Variants in MDFIC observed in about 807,000 individuals in gnomAD.
MDFIC encodes the protein MyoD family inhibitor domain containing, also known as myoD family inhibitor domain-containing protein.
In MDFIC, 17 loss-of-function variants were observed where a neutral mutation model predicts 23.2. The ratio of observed to expected loss-of-function variants is 0.73; its 90% CI spans 0.50 to 1.10. The LOEUF is 1.10. Ranked by LOEUF, MDFIC falls within the 50% of genes least tolerant of loss-of-function variation. MDFIC has a pLI of 0.00. For missense variants in MDFIC, 356 were observed against 316.6 expected, an observed-to-expected ratio of 1.12 and a Z score of -0.95; for synonymous variants, 120 against 115.2, an observed-to-expected ratio of 1.04 and a Z score of -0.27.
chr7:114,926,853 T>G (rs987222913), intron 2 of MDFIC, among the ~76,000 whole-genome samples: 1 of 152,212 alleles, frequency 6.6e-6, no homozygotes, highest in African/African-American at 2.4e-5. Flanking sequence ...CATATCTGTA[T>G]TCTTCTATTT....
At chr7:114,955,375 A>G (rs1792863867) in intron 3 of MDFIC, among the ~76,000 whole-genome samples, 1 of 152,090 alleles carries the variant, frequency 6.6e-6, no homozygotes, top group South Asian at 2.1e-4. Context: ...CATGTTACCC[A>G]TCTCTCCACG....
At chr7:115,015,563 C>A in intron 4 of MDFIC, 125 bp from the exon 5 acceptor site, 3 of 1,320,468 alleles carry the variant, frequency 2.3e-6, no homozygotes, top group East Asian at 2.3e-5. Flanking sequence ...GCTCACAAAG[C>A]AAACTTCATT....
At chr7:114,945,695 T>C (rs1253224989) in intron 3 of MDFIC, among the ~76,000 whole-genome samples, 16 of 152,220 alleles carry the variant, frequency 1.1e-4, no homozygotes, top group Admixed American at 1.0e-3. Flanking sequence ...CTCTTTCCTA[T>C]GAAATTTAAA....
chr7:114,979,131 A>C (rs1010937403), intron 3 of MDFIC, among the ~76,000 whole-genome samples: 3 of 152,164 alleles, frequency 2.0e-5, no homozygotes, highest in African/African-American at 7.2e-5. Flanking sequence ...GTATTGAGAT[A>C]ACACTGTTGT....
intron 2 of MDFIC, among the ~76,000 whole-genome samples, chr7:114,941,755 T>C (rs1792543989): frequency 6.6e-6 from 1 of 152,146 alleles, no homozygotes; most frequent in African/African-American, 2.4e-5. Flanking sequence ...AATACCCCCT[T>C]CTCAGAGGAT....
intron 4 of MDFIC, among the ~76,000 whole-genome samples, chr7:114,997,047 A>T (rs1791347887): frequency 6.6e-6 from 1 of 152,188 alleles, no homozygotes; most frequent in South Asian, 2.1e-4. Flanking sequence ...AGTAAGATGA[A>T]TGAGAAGTGA....
rs1422118905 is a variant in MDFIC, at chr7:114,923,024, G to T, written c.-10G>T. On this transcript the variant is annotated 5_prime_UTR_variant, in exon 2 of 5. Transcript: ENST00000393486. ...GGCAGCGGCGCGGCGCGGGCTCGGCGGAGCGGCCCATGTCCGGCGCGGGCG... is the reference window on the plus strand; with the variant it reads ...GGCAGCGGCGCGGCGCGGGCTCGGCTGAGCGGCCCATGTCCGGCGCGGGCG... 4 of 1,434,660 alleles carry T rather than the reference G, an allele frequency of 2.8e-6. No homozygotes were observed. The highest frequency in any genetic ancestry group is 3.7e-6 in the Non-Finnish European group (4 of 1,092,382). 88.9% of individuals were successfully genotyped at this position (1,434,660 alleles called of 1,614,324 possible). A position where few individuals can be genotyped will look rare whatever the true frequency, so the allele number is the denominator to read the frequency against.
At chr7:114,964,565 C>G (rs1793060268) in intron 3 of MDFIC, among the ~76,000 whole-genome samples, 1 of 151,150 alleles carries the variant, frequency 6.6e-6, no homozygotes, top group Admixed American at 6.6e-5. Context: ...GCTTCCCTCC[C>G]CTTCCGACAG....
rs187696099 is a variant in MDFIC at position 114,980,151 on chromosome 7, A to G, written c.493+370A>G. 182 of 254,620 alleles carry G rather than the reference A, an allele frequency of 7.1e-4. 1 individual carries two copies. The highest frequency in any genetic ancestry group is 1.6e-3 in the Middle Eastern group (1 of 644). The allele number at this position is 254,620 out of a possible 1,614,324, so 15.8% of individuals were successfully genotyped here. Reference sequence around the variant, plus strand: ...ATATGTTATTCTATAGTTCAGAGATAAGATTACCTGCTTGTATTTTTGTCT... The same window carrying G: ...ATATGTTATTCTATAGTTCAGAGATGAGATTACCTGCTTGTATTTTTGTCT... On this transcript the variant is annotated intron_variant, in intron 4 of 4. Transcript: ENST00000393486.
chr7:114,937,613 T>G (rs1792451990), intron 2 of MDFIC, among the ~76,000 whole-genome samples: 1 of 152,204 alleles, frequency 6.6e-6, no homozygotes, highest in Non-Finnish European at 1.5e-5. Context: ...TGGTCAGCCT[T>G]TGAGCCAGAA....
At chr7:114,922,756 C>A in intron 1 of MDFIC, 120 bp downstream of exon 1, 2 of 1,292,902 alleles carry the variant, frequency 1.5e-6, no homozygotes, top group Non-Finnish European at 2.0e-6. Flanking sequence ...CCCCTGGGAC[C>A]CCGCCGCTGT....
At chr7:114,991,050 G>T (rs1276278355) in intron 4 of MDFIC, among the ~76,000 whole-genome samples, 1 of 151,944 alleles carries the variant, frequency 6.6e-6, no homozygotes, top group African/African-American at 2.4e-5. Flanking sequence ...TCTAACTGGT[G>T]TGAGATGGTA....
intron 4 of MDFIC, chr7:114,980,107 T>C: frequency 2.9e-6 from 1 of 343,958 alleles, no homozygotes; most frequent in East Asian, 7.0e-5. Context: ...TGTGTGTATT[T>C]TTATCCCTCC....
At chr7:114,996,761 C>T (rs143955113) in intron 4 of MDFIC, among the ~76,000 whole-genome samples, 97 of 152,232 alleles carry the variant, frequency 6.4e-4, no homozygotes, top group Admixed American at 4.1e-3. Context: ...GGAGTGGGTC[C>T]AAGGTATCAG....
chr7:114,993,276 A>G (rs1791230291), intron 4 of MDFIC, among the ~76,000 whole-genome samples: 1 of 151,864 alleles, frequency 6.6e-6, no homozygotes, highest in Admixed American at 6.6e-5. Flanking sequence ...CGGTCTATCA[A>G]TTTTGTTGAT....
chr7:114,978,627 A>G (rs1410030469), intron 3 of MDFIC, among the ~76,000 whole-genome samples: 7 of 152,068 alleles, frequency 4.6e-5, no homozygotes, highest in African/African-American at 1.7e-4. Context: ...ATGGTTGTGT[A>G]TCAATCTTGC....
intron 4 of MDFIC, among the ~76,000 whole-genome samples, chr7:114,980,345 G>T (rs1793396667): frequency 6.6e-6 from 1 of 152,108 alleles, no homozygotes; most frequent in Admixed American, 6.5e-5. Flanking sequence ...TCCCATTTCA[G>T]CCTCACTGTG....
At position 115,018,676 on chromosome 7, in the gene MDFIC, A is replaced by G. The variant is rs969750606; in HGVS notation, c.*2741A>G. On this transcript the variant is annotated 3_prime_UTR_variant, in exon 5 of 5. Coordinates refer to ENST00000393486, the MANE Select transcript of MDFIC (RefSeq NM_001166345.3). ...AGGCGGTGTCCTTTTAAATGTGGAA[A>G]GGCTTTTAAAATATTTTAAAACTGG... is the stretch of plus-strand genomic sequence containing the variant. The G allele has an allele frequency of 1.3e-5, 2 of 152,446 alleles. No homozygotes were observed. The highest frequency in any genetic ancestry group is 4.8e-5 in the African/African-American group (2 of 41,464). 9.4% of individuals were successfully genotyped at this position (152,446 alleles called of 1,614,324 possible). A position where few individuals can be genotyped will look rare whatever the true frequency, so the allele number is the denominator to read the frequency against.
At chr7:115,012,691 A>G (rs548642430) in intron 4 of MDFIC, among the ~76,000 whole-genome samples, 1 of 152,214 alleles carries the variant, frequency 6.6e-6, no homozygotes. Context: ...TAAATAGTAG[A>G]ATGAGGCTGG....
Sources: allele counts gnomAD v4.1 joint callset (sites outside exome capture counted in the v4.1 genomes callset), GRCh38; gene constraint gnomAD v4.1.1; transcripts MANE v1.5; gene names NCBI Gene and HGNC (gene_info 2026-07-23, HGNC 2026-07-21).